The following DNAI4 variants were observed in gnomAD, a reference collection of about 807,000 sequenced individuals.
DNAI4 encodes the protein dynein axonemal intermediate chain 4.
A neutral mutation model predicts 105.8 loss-of-function variants in DNAI4; 85 were observed. That is an observed-to-expected ratio of 0.80 (90% CI 0.67 to 0.96). The LOEUF (loss-of-function observed/expected upper bound fraction) is 0.96, where lower values mean the gene tolerates loss of function less well. Ranked by LOEUF, DNAI4 falls within the 40% of genes least tolerant of loss-of-function variation. The probability of loss-of-function intolerance (pLI) is 0.00; values close to 1 mark genes in which losing one functional copy is unlikely to be tolerated. For synonymous variants in DNAI4, 352 were observed against 331.5 expected (o/e 1.06, Z -0.67); for missense variants, 1,014 against 1,005.6 (o/e 1.01, Z -0.11).
chr1:66,871,571 T>C, intron 5 of DNAI4, 62 bp from the exon 6 acceptor site: 1 of 1,404,734 alleles, frequency 7.1e-7, no homozygotes, highest in Non-Finnish European at 9.5e-7. Context: ...TATTATCTCT[T>C]TATATTATTC....
intron 6 of DNAI4, 61 bp downstream of exon 6, chr1:66,871,309 A>T (rs1465598048): frequency 6.8e-7 from 1 of 1,464,168 alleles, no homozygotes; most frequent in Non-Finnish European, 9.2e-7. Context: ...TTGTCGATTG[A>T]CAGACTCAAA....
At chr1:66,846,916 G>A (rs11208968) in intron 8 of DNAI4, among the ~76,000 whole-genome samples, 33,848 of 152,040 alleles carry the variant, frequency 0.22, 4,237 homozygotes, top group East Asian at 0.55. Flanking sequence ...TATGAGATGC[G>A]ATTTGTAGCA....
intron 6 of DNAI4, among the ~76,000 whole-genome samples, chr1:66,868,104 T>C (rs1008443148): frequency 6.6e-6 from 1 of 152,330 alleles, no homozygotes; most frequent in African/African-American, 2.4e-5. Context: ...GAATCATAGC[T>C]TTCCTGATAT....
At chr1:66,897,731 G>C (rs1648450642) in intron 2 of DNAI4, among the ~76,000 whole-genome samples, 1 of 152,196 alleles carries the variant, frequency 6.6e-6, no homozygotes, top group Non-Finnish European at 1.5e-5. Context: ...TGAGTCATAA[G>C]CCTTGGCAGC....
chr1:66,891,725 A>G (rs1041749090), intron 3 of DNAI4, among the ~76,000 whole-genome samples: 6 of 152,332 alleles, frequency 3.9e-5, no homozygotes, highest in African/African-American at 1.4e-4. Context: ...CGGCCTCCCA[A>G]AGTGCTGTGA....
chr1:66,831,442 A>G (rs949193178), intron 13 of DNAI4, among the ~76,000 whole-genome samples: 1 of 152,212 alleles, frequency 6.6e-6, no homozygotes, highest in Admixed American at 6.5e-5. Context: ...GTAAACAACA[A>G]TCAAATAAAG....
intron 6 of DNAI4, among the ~76,000 whole-genome samples, chr1:66,863,348 C>T (rs1025507642): frequency 6.6e-6 from 1 of 152,086 alleles, no homozygotes; most frequent in African/African-American, 2.4e-5. Flanking sequence ...ATAAATGCAG[C>T]CTCTTAATTG....
At chr1:66,821,414 T>C (rs552580720) in intron 16 of DNAI4, among the ~76,000 whole-genome samples, 1 of 152,196 alleles carries the variant, frequency 6.6e-6, no homozygotes, top group Non-Finnish European at 1.5e-5. Context: ...TAAACATTTC[T>C]AACAGTCTTG....
chr1:66,867,970 A>G (rs1646767299), intron 6 of DNAI4, among the ~76,000 whole-genome samples: 1 of 152,202 alleles, frequency 6.6e-6, no homozygotes, highest in Admixed American at 6.5e-5. Context: ...TTTATCAAGA[A>G]GATCCATACC....
chr1:66,822,529 T>A lies in DNAI4; in HGVS notation c.2340-12A>T. 1.3e-6 allele frequency: 2 copies of A among 1,562,438 alleles called. No homozygotes were observed. Among genetic ancestry groups the A allele is most frequent in the Non-Finnish European group, 1.7e-6 (2 of 1,158,336 alleles). Reference sequence around the variant, plus strand: ...TCAGAGGGTCCAAACTGTAATGAAATATTTTATTTGTAAATTCAATTGTTA... The same window carrying A: ...TCAGAGGGTCCAAACTGTAATGAAAAATTTTATTTGTAAATTCAATTGTTA... On this transcript the variant is annotated splice_polypyrimidine_tract_variant and intron_variant, in intron 15 of 16. Coordinates refer to ENST00000371026, the MANE Select transcript of DNAI4 (RefSeq NM_024763.5).
chr1:66,891,057 A>ATTACCATATT (rs1170252823), intron 4 of DNAI4, 97 bp downstream of exon 4: 1 of 973,302 alleles, frequency 1.0e-6, no homozygotes. Context: ...TTTGGAAATC[A>ATTACCATATT]TTACCATATT....
intron 10 of DNAI4, among the ~76,000 whole-genome samples, chr1:66,836,216 GAGAGA>G (rs1645998724): frequency 1.0e-5 from 1 of 99,540 alleles, no homozygotes; most frequent in Non-Finnish European, 2.1e-5. Flanking sequence ...AAGAGAGAGA[GAGAGA>G]GAGAGAGAGA....
chr1:66,814,034 C>A lies in DNAI4; in HGVS notation c.*96G>T, dbSNP rs1196021321. The A allele has an allele frequency of 1.2e-5, 10 of 829,522 alleles. No homozygotes were observed. The East Asian group carries it at 2.7e-4, about 22-fold the overall frequency. The allele number at this position is 829,522 out of a possible 1,614,324, so 51.4% of individuals were successfully genotyped here. On this transcript the variant is annotated 3_prime_UTR_variant, in exon 17 of 17. Transcript: ENST00000371026. ...GAAGTTATACATCAAATATTGTTTT[C>A]TGAAATCAAAATCTGGTGTACAGTA...
chr1:66,903,942 T>A (rs1415506974), intron 2 of DNAI4, among the ~76,000 whole-genome samples: 1 of 151,978 alleles, frequency 6.6e-6, no homozygotes, highest in African/African-American at 2.4e-5. Flanking sequence ...GGAGAAAATA[T>A]ACATATATAA....
rs1201666473 is a variant in DNAI4, at chr1:66,893,030, G to GAA, written c.530+198_530+199insTT. On this transcript the variant is annotated intron_variant, in intron 3 of 16. Coordinates refer to ENST00000371026, the MANE Select transcript of DNAI4 (RefSeq NM_024763.5). ...GAGAGAGAGGAAAGAAAGAAAGAAA[G>GAA]AGAGGAAAGAAAGAAAGAAAGAAAG... Among the ~76,000 whole-genome samples, 13 of 112,860 alleles carry GAA rather than the reference G, an allele frequency of 1.2e-4. 1 individual carries two copies. The highest frequency in any genetic ancestry group is 4.5e-4 in the African/African-American group (12 of 26,646). The allele number at this position is 112,860 out of a possible 152,430, so 74.0% of individuals were successfully genotyped here. A position where few individuals can be genotyped will look rare whatever the true frequency, so the allele number is the denominator to read the frequency against.
At chr1:66,815,114 A>G (rs113724312) in intron 16 of DNAI4, among the ~76,000 whole-genome samples, 2 of 152,202 alleles carry the variant, frequency 1.3e-5, no homozygotes, top group African/African-American at 4.8e-5. Context: ...GTACTATGCT[A>G]TCTTTGGCAC....
intron 2 of DNAI4, among the ~76,000 whole-genome samples, chr1:66,894,691 AAG>A (rs1648162262): frequency 1.3e-5 from 2 of 152,180 alleles, no homozygotes; most frequent in South Asian, 4.1e-4. Context: ...TTGTCTCAAC[AAG>A]AGTTTTTGAA....
At chr1:66,864,120 T>C (rs1038204746) in intron 6 of DNAI4, among the ~76,000 whole-genome samples, 10 of 152,246 alleles carry the variant, frequency 6.6e-5, no homozygotes, top group African/African-American at 2.4e-4. Context: ...CTGCTCATTT[T>C]AGTTTGGGTA....
intron 16 of DNAI4, among the ~76,000 whole-genome samples, chr1:66,820,349 A>T (rs1645599932): frequency 6.6e-6 from 1 of 152,166 alleles, no homozygotes; most frequent in Non-Finnish European, 1.5e-5. Context: ...AATACAAAGC[A>T]TGTTAATTTT....
Sources: gnomAD v4.1 joint callset for allele counts (sites outside exome capture counted in the v4.1 genomes callset) on GRCh38, gnomAD v4.1.1 for gene constraint, MANE v1.5 for transcripts, NCBI Gene and HGNC (gene_info 2026-07-23, HGNC 2026-07-21) for gene names.